Variants in ERBB4 observed in about 807,000 individuals in gnomAD.
ERBB4 encodes the protein receptor tyrosine-protein kinase erbB-4.
In ERBB4, 42 loss-of-function variants were observed where a neutral mutation model predicts 158.0. That is an observed-to-expected ratio of 0.27 (90% CI 0.21 to 0.34). ERBB4 has a LOEUF of 0.34. ERBB4 is among the 10% of genes least tolerant of loss of function. The pLI is 1.00. For synonymous variants in ERBB4, 583 were observed against 558.7 expected (o/e 1.04, Z -0.61); for missense variants, 1,333 against 1,624.1 (o/e 0.82, Z 3.08).
intron 20 of ERBB4, among the ~76,000 whole-genome samples, chr2:211,549,567 G>A (rs762332613): frequency 2.0e-5 from 3 of 152,092 alleles, no homozygotes; most frequent in Non-Finnish European, 4.4e-5. Context: ...CAAGAGTTAT[G>A]TGGCAAAGAG....
At chr2:211,524,657 G>C (rs79379250) in intron 20 of ERBB4, among the ~76,000 whole-genome samples, 1 of 144,406 alleles carries the variant, frequency 6.9e-6, no homozygotes, top group Non-Finnish European at 1.5e-5. Context: ...CGGCAGGGCC[G>C]CCGGCTGCTC....
intron 1 of ERBB4, among the ~76,000 whole-genome samples, chr2:212,146,101 C>G (rs2080662975): frequency 6.6e-6 from 1 of 152,164 alleles, no homozygotes; most frequent in Non-Finnish European, 1.5e-5. Flanking sequence ...TCCATATTAT[C>G]CTGGCATCTT....
intron 1 of ERBB4, among the ~76,000 whole-genome samples, chr2:212,436,494 A>T (rs2092139585): frequency 6.6e-6 from 1 of 152,054 alleles, no homozygotes; most frequent in Admixed American, 6.6e-5. Flanking sequence ...CCTCAAGAGG[A>T]AAAAGAATAA....
At chr2:212,317,131 T>C (rs915203454) in intron 1 of ERBB4, among the ~76,000 whole-genome samples, 4 of 151,508 alleles carry the variant, frequency 2.6e-5, no homozygotes, top group African/African-American at 9.7e-5. Flanking sequence ...CAATAAAGTA[T>C]TTCAGCCATC....
At chr2:212,091,686 A>G (rs1330088862) in intron 2 of ERBB4, among the ~76,000 whole-genome samples, 1 of 152,192 alleles carries the variant, frequency 6.6e-6, no homozygotes, top group Admixed American at 6.5e-5. Flanking sequence ...GTATATGTAT[A>G]GTGAAACAAA....
At chr2:211,439,460 T>C (rs1258212368) in intron 20 of ERBB4, among the ~76,000 whole-genome samples, 3 of 152,162 alleles carry the variant, frequency 2.0e-5, no homozygotes, top group African/African-American at 2.4e-5. Flanking sequence ...AGAGCACCCA[T>C]TTTCAAGATT....
chr2:212,235,043 C>T (rs1466058387), intron 1 of ERBB4, among the ~76,000 whole-genome samples: 1 of 152,128 alleles, frequency 6.6e-6, no homozygotes, highest in Non-Finnish European at 1.5e-5. Flanking sequence ...GTCATAAAGT[C>T]TTTACCCATG....
chr2:211,539,404 A>G (rs1483320452), intron 20 of ERBB4, among the ~76,000 whole-genome samples: 3 of 152,026 alleles, frequency 2.0e-5, no homozygotes, highest in South Asian at 2.1e-4. Flanking sequence ...TGATATATCC[A>G]TCTAATAAAC....
chr2:212,277,507 T>A (rs1020765011), intron 1 of ERBB4, among the ~76,000 whole-genome samples: 1 of 151,692 alleles, frequency 6.6e-6, no homozygotes, highest in African/African-American at 2.4e-5. Flanking sequence ...GGGCCTAGTG[T>A]AGAGTCTGAA....
chr2:211,915,474 A>T (rs181707250), intron 3 of ERBB4, among the ~76,000 whole-genome samples: 68 of 148,702 alleles, frequency 4.6e-4, no homozygotes, highest in Admixed American at 3.3e-3. Flanking sequence ...ACAATTATTA[A>T]TTATTTTTAA....
At chr2:212,148,807 C>A (rs888145346) in intron 1 of ERBB4, among the ~76,000 whole-genome samples, 3 of 144,070 alleles carry the variant, frequency 2.1e-5, no homozygotes, top group Non-Finnish European at 4.5e-5. Context: ...AAATGTGGCA[C>A]ATATACACCA....
intron 1 of ERBB4, among the ~76,000 whole-genome samples, chr2:212,346,576 G>A (rs2106331535): frequency 6.7e-6 from 1 of 148,646 alleles, no homozygotes; most frequent in South Asian, 2.1e-4. Context: ...ATGAAAGTTT[G>A]CATAAACTTT....
Position 211,923,414 on chromosome 2 carries a change from G to C in ERBB4, c.421+24016C>G, listed in dbSNP as rs551065645. Among the ~76,000 whole-genome samples the C allele has an allele frequency of 3.3e-5, 5 of 152,218 alleles. No individual in the cohort carries two copies. In the East Asian group the frequency reaches 9.7e-4, roughly 29 times the overall value. On this transcript the variant is annotated intron_variant, in intron 3 of 27. Coordinates refer to ENST00000342788, the MANE Select transcript of ERBB4 (RefSeq NM_005235.3). ...AATTGAATGAATATGGGAAAATGATGACCAAATGTGCAGATGAATTTTTCA... is the reference window on the plus strand; with the variant it reads ...AATTGAATGAATATGGGAAAATGATCACCAAATGTGCAGATGAATTTTTCA...
At chr2:212,238,531 G>T (rs1022828985) in intron 1 of ERBB4, among the ~76,000 whole-genome samples, 5 of 152,024 alleles carry the variant, frequency 3.3e-5, no homozygotes, top group South Asian at 4.1e-4. Flanking sequence ...CAGCCATCTT[G>T]CTAGCCACCT....
intron 3 of ERBB4, among the ~76,000 whole-genome samples, chr2:211,925,334 G>A (rs11692108): frequency 0.025 from 3,690 of 146,938 alleles, 66 homozygotes; most frequent in South Asian, 0.053. Context: ...TATCATTTTT[G>A]AAGGATGTAA....
chr2:211,619,073 G>A (rs2069495835), intron 19 of ERBB4, 104 bp downstream of exon 19: 2 of 727,190 alleles, frequency 2.8e-6, no homozygotes. Context: ...ATTTCCATAA[G>A]AGAAATTTGT....
intron 1 of ERBB4, among the ~76,000 whole-genome samples, chr2:212,204,613 C>G (rs923566903): frequency 6.6e-6 from 1 of 151,070 alleles, no homozygotes; most frequent in Non-Finnish European, 1.5e-5. Flanking sequence ...ACAAGAATTG[C>G]GTGAACCTTG....
intron 1 of ERBB4, among the ~76,000 whole-genome samples, chr2:212,327,728 C>T (rs73987361): frequency 8.7e-4 from 116 of 133,150 alleles, no homozygotes; most frequent in African/African-American, 8.9e-4. Context: ...TTCTTTTTTT[C>T]TTTTTTTTTT....
intron 19 of ERBB4, among the ~76,000 whole-genome samples, chr2:211,580,850 A>AGAT (rs2068066187): frequency 5.4e-5 from 3 of 55,320 alleles, no homozygotes; most frequent in African/African-American, 8.2e-5. Flanking sequence ...TATATTATAT[A>AGAT]TATAGTATGC....
Sources: gnomAD v4.1 joint callset for allele counts (sites outside exome capture counted in the v4.1 genomes callset) on GRCh38, gnomAD v4.1.1 for gene constraint, MANE v1.5 for transcripts, NCBI Gene and HGNC (gene_info 2026-07-23, HGNC 2026-07-21) for gene names.